The following EML5 variants were observed in gnomAD, a reference collection of about 807,000 sequenced individuals.
EML5 encodes echinoderm microtubule-associated protein-like 5.
A neutral mutation model predicts 250.0 loss-of-function variants in EML5; 120 were observed. The observed-to-expected ratio is 0.48, with a 90% CI of 0.41 to 0.56. EML5 has a LOEUF of 0.56. Among genes scored for constraint, EML5 ranks in the 20% least tolerant of loss-of-function variants. EML5 has a pLI of 0.00. For synonymous variants in EML5, 771 were observed against 806.5 expected, an observed-to-expected ratio of 0.96 and a Z score of 0.75; for missense variants, 2,006 against 2,437.6, an observed-to-expected ratio of 0.82 and a Z score of 3.73.
chr14:88,683,697 A>G (rs1260012915), intron 20 of EML5, among the ~76,000 whole-genome samples: 1 of 152,194 alleles, frequency 6.6e-6, no homozygotes, highest in Non-Finnish European at 1.5e-5. Context: ...AATACACTAT[A>G]TCAACAGAAT....
intron 28 of EML5, among the ~76,000 whole-genome samples, chr14:88,649,016 G>A (rs2091491350): frequency 2.6e-5 from 4 of 151,722 alleles, no homozygotes; most frequent in Admixed American, 2.0e-4. Context: ...CATTTTCCTA[G>A]TGATACCTTC....
intron 9 of EML5, among the ~76,000 whole-genome samples, chr14:88,712,962 C>A (rs2093429844): frequency 6.6e-6 from 1 of 151,932 alleles, no homozygotes; most frequent in African/African-American, 2.4e-5. Flanking sequence ...ACTTTAGGAC[C>A]CGGTCAGTCT....
Position 88,624,972 on chromosome 14 carries a change from C to T in EML5, c.4896G>A (p.Arg1632=). 6.2e-7 allele frequency: 1 copy of T among 1,613,206 alleles called. No homozygotes were observed. The highest frequency in any genetic ancestry group is 1.1e-5 in the South Asian group (1 of 90,886). The change falls in exon 36 of 44, where the codon AGG becomes AGA. Residue 1632 remains arginine (R), a splice_region_variant and synonymous_variant. Coordinates refer to ENST00000554922, the MANE Select transcript of EML5 (RefSeq NM_183387.3). ...CTGTGAAAAGAAAGAGGACTCACGGCCTTTCCTTTCCCCCAGTCACGATAA... is the reference window on the plus strand; with the variant it reads ...CTGTGAAAAGAAAGAGGACTCACGGTCTTTCCTTTCCCCCAGTCACGATAA... ...DGLIVTGGKE[R]PSKEGGAVKL...
intron 17 of EML5, among the ~76,000 whole-genome samples, chr14:88,692,929 C>T (rs1403447254): frequency 6.6e-6 from 1 of 152,086 alleles, no homozygotes; most frequent in Admixed American, 6.6e-5. Flanking sequence ...TTACTTCTTC[C>T]TATATTTACA....
chr14:88,627,228 TA>T, intron 34 of EML5, 182 bp from the exon 35 acceptor site: 1 of 616,636 alleles, frequency 1.6e-6, no homozygotes, highest in East Asian at 2.8e-5. Flanking sequence ...CCTTTTCACT[TA>T]TCTTCGCTCC....
intron 14 of EML5, among the ~76,000 whole-genome samples, chr14:88,699,932 AT>A (rs1160622268): frequency 1.3e-5 from 2 of 152,144 alleles, no homozygotes; most frequent in Non-Finnish European, 1.5e-5. Flanking sequence ...AAATCAGTGT[AT>A]TTTTAGTGAA....
chr14:88,688,903 T>G (rs1301158692), intron 17 of EML5, among the ~76,000 whole-genome samples: 1 of 152,224 alleles, frequency 6.6e-6, no homozygotes, highest in Non-Finnish European at 1.5e-5. Context: ...GTGATACTGA[T>G]TATTCTCATG....
chr14:88,758,745 A>G (rs1038199045), intron 1 of EML5, among the ~76,000 whole-genome samples: 22 of 152,366 alleles, frequency 1.4e-4, no homozygotes, highest in African/African-American at 5.0e-4. Context: ...AGCATCATTC[A>G]CAAATGGCCA....
At chr14:88,636,568 G>A (rs1043697420) in intron 32 of EML5, among the ~76,000 whole-genome samples, 1 of 152,216 alleles carries the variant, frequency 6.6e-6, no homozygotes, top group African/African-American at 2.4e-5. Context: ...GGCTGAGACA[G>A]GAGAATGGCG....
chr14:88,789,412 T>C (rs1415464984), intron 1 of EML5, among the ~76,000 whole-genome samples: 1 of 152,204 alleles, frequency 6.6e-6, no homozygotes, highest in Admixed American at 6.5e-5. Context: ...TATACACAAG[T>C]AGATGGCAAA....
chr14:88,659,304 T>C (rs2091988745), intron 25 of EML5, among the ~76,000 whole-genome samples: 1 of 151,904 alleles, frequency 6.6e-6, no homozygotes, highest in African/African-American at 2.4e-5. Context: ...CTCCGCCTCC[T>C]GGTTCAAGCG....
At chr14:88,664,722 T>C (rs1250700301) in intron 22 of EML5, 98 bp from the exon 23 acceptor site, 1 of 1,193,986 alleles carries the variant, frequency 8.4e-7, no homozygotes, top group Middle Eastern at 2.4e-4. Context: ...TATGGAGAAA[T>C]CTTAGCTGTT....
intron 40 of EML5, 62 bp downstream of exon 40, chr14:88,618,588 A>G: frequency 1.3e-6 from 2 of 1,539,174 alleles, no homozygotes; most frequent in Non-Finnish European, 1.8e-6. Flanking sequence ...AAATGCATTC[A>G]CTAACACGAA....
chr14:88,635,196 T>C (rs1398581923), intron 32 of EML5, among the ~76,000 whole-genome samples: 1 of 152,244 alleles, frequency 6.6e-6, no homozygotes, highest in Non-Finnish European at 1.5e-5. Flanking sequence ...AGACAGGTGA[T>C]TGTTTTTTGC....
chr14:88,703,267 T>C (rs2093252504), intron 13 of EML5, among the ~76,000 whole-genome samples: 1 of 152,238 alleles, frequency 6.6e-6, no homozygotes, highest in Admixed American at 6.5e-5. Flanking sequence ...AAAGTATATT[T>C]GTATTTGTTG....
At chr14:88,623,868 A>G (rs532013960) in intron 36 of EML5, 2 of 152,276 alleles carry the variant, frequency 1.3e-5, no homozygotes, top group East Asian at 1.9e-4. Context: ...AATAGAGCCC[A>G]TTTATGGATT....
rs777894753 is a variant in EML5, at chr14:88,754,535, A to G, written c.334T>C (p.Leu112=). ...KDVHTHGIAC[L]AFDLDGQRLV... Reference sequence around the variant, plus strand: ...ACCTGTCCATCTAAGTCAAACGCCAAGCAAGCTATACCATGTGTATGAACA... The same window carrying G: ...ACCTGTCCATCTAAGTCAAACGCCAGGCAAGCTATACCATGTGTATGAACA... Residue 112 remains leucine (L), a synonymous_variant, in exon 2 of 44, where the codon TTG becomes CTG. Transcript: ENST00000554922. The G allele has an allele frequency of 6.2e-7, 1 of 1,606,452 alleles. No homozygotes were observed. The highest frequency in any genetic ancestry group is 1.1e-5 in the South Asian group (1 of 88,438).
At chr14:88,652,569 T>C (rs547066704) in intron 27 of EML5, among the ~76,000 whole-genome samples, 2 of 152,338 alleles carry the variant, frequency 1.3e-5, no homozygotes, top group East Asian at 3.9e-4. Context: ...TTGAATTTTC[T>C]ACAAATCCTG....
At chr14:88,628,015 GAA>G in intron 33 of EML5, 196 bp from the exon 34 acceptor site, 1 of 652,208 alleles carries the variant, frequency 1.5e-6, no homozygotes. Context: ...GAAAGAAAAG[GAA>G]AATATATAGA....
Sources: allele counts gnomAD v4.1 joint callset (sites outside exome capture counted in the v4.1 genomes callset), GRCh38; gene constraint gnomAD v4.1.1; transcripts MANE v1.5; gene names NCBI Gene and HGNC (gene_info 2026-07-23, HGNC 2026-07-21).